The following GREB1 variants were observed in gnomAD, a reference collection of about 807,000 sequenced individuals.
GREB1 encodes the protein growth regulating estrogen receptor binding 1.
In GREB1, 106 loss-of-function variants were observed where a neutral mutation model predicts 200.7. The ratio of observed to expected loss-of-function variants is 0.53; its 90% CI spans 0.45 to 0.62. The LOEUF (loss-of-function observed/expected upper bound fraction) is 0.62. GREB1 is among the 20% of genes least tolerant of loss of function. The pLI is 0.00. For missense variants in GREB1, 2,243 were observed against 2,556.8 expected, an observed-to-expected ratio of 0.88 and a Z score of 2.65; for synonymous variants, 1,132 against 1,092.4, an observed-to-expected ratio of 1.04 and a Z score of -0.72.
intron 1 of GREB1, among the ~76,000 whole-genome samples, chr2:11,503,222 A>G (rs899885124): frequency 4.6e-5 from 7 of 152,272 alleles, no homozygotes; most frequent in East Asian, 1.9e-4. Flanking sequence ...CAGAGGGACA[A>G]TTCTCATGAG....
chr2:11,503,658 T>G (rs1673106050), intron 1 of GREB1, among the ~76,000 whole-genome samples: 1 of 152,246 alleles, frequency 6.6e-6, no homozygotes, highest in South Asian at 2.1e-4. Context: ...CTCACATTTT[T>G]GCCAACACCA....
At chr2:11,632,258 T>C (rs1684933217) in intron 27 of GREB1, 145 bp downstream of exon 27, 1 of 621,714 alleles carries the variant, frequency 1.6e-6, no homozygotes. Flanking sequence ...TCTGACTTTT[T>C]TATGCAGTCT....
In GREB1 at chr2:11,534,237, C is replaced by A. The variant is rs896487699; in HGVS notation, c.-179C>A. The A allele has an allele frequency of 1.3e-5, 2 of 152,288 alleles. No homozygotes were observed. Among genetic ancestry groups the A allele is most frequent in the Admixed American group, 6.6e-5 (1 of 15,264 alleles). The allele number at this position is 152,288 out of a possible 1,614,324, so 9.4% of individuals were successfully genotyped here. On this transcript the variant is annotated 5_prime_UTR_variant, in exon 1 of 33. Transcript: ENST00000381486. ...ATGTGTGGAAGGACATGGCTTTTAA[C>A]ACGTGTGGTGACTGGAGGTAGGTGG...
chr2:11,499,410 A>G (rs755442048), intron 1 of GREB1, among the ~76,000 whole-genome samples: 55 of 152,230 alleles, frequency 3.6e-4, no homozygotes, highest in Non-Finnish European at 7.8e-4. Flanking sequence ...CATCAAAGAC[A>G]TGTCTAAACA....
chr2:11,523,478 A>G (rs999360818), intron 1 of GREB1, among the ~76,000 whole-genome samples: 15 of 152,214 alleles, frequency 9.9e-5, no homozygotes, highest in African/African-American at 3.4e-4. Flanking sequence ...TTGGGATGCC[A>G]TGGTAGATGG....
chr2:11,619,721 C>T (rs1168204799), intron 22 of GREB1, among the ~76,000 whole-genome samples: 3 of 151,980 alleles, frequency 2.0e-5, no homozygotes, highest in Non-Finnish European at 4.4e-5. Flanking sequence ...TTTCTGGTTT[C>T]TCTTATTTGT....
chr2:11,495,796 G>GTT (rs71393887), intron 1 of GREB1, among the ~76,000 whole-genome samples: 1,874 of 136,970 alleles, frequency 0.014, 11 homozygotes, highest in Non-Finnish European at 0.019. Flanking sequence ...AAGTCCCCCC[G>GTT]TTTTTTTTTT....
At chr2:11,596,769 CAGTGAG>C (rs1681289624) in intron 13 of GREB1, among the ~76,000 whole-genome samples, 1 of 61,164 alleles carries the variant, frequency 1.6e-5, no homozygotes, top group African/African-American at 7.1e-5. Flanking sequence ...CAGGTGTACA[CAGTGAG>C]GGGGGTGGGG....
intron 9 of GREB1, 24 bp downstream of exon 9, chr2:11,585,929 CGTG>C: frequency 1.2e-6 from 2 of 1,604,226 alleles, no homozygotes; most frequent in Non-Finnish European, 1.7e-6. Context: ...TGCACCGAGT[CGTG>C]GGGATGGGAG....
rs368967242 is a variant in GREB1, at chr2:11,616,640, C to T, written c.3332C>T (p.Ser1111Leu). The T allele has an allele frequency of 3.4e-5, 55 of 1,606,820 alleles. No individual in the cohort carries two copies. The highest frequency in any genetic ancestry group is 3.3e-4 in the Middle Eastern group (2 of 6,060). ...DEELGTEGST[S>L]EKRSPMKRER... ...GTGTGTTTTGGAACAGGCTCTACCT[C>T]GGAGAAGAGAAGCCCCATGAAAAGG... Residue 1111 changes from serine (S) to leucine (L), a missense_variant, in exon 21 of 33, where the codon TCG (serine) becomes TTG (leucine). Transcript: ENST00000381486.
rs942971193 is a variant in GREB1 at position 11,554,168 on chromosome 2, C to T, written c.-161-2286C>T. ...CTTCTGCTCTCCTGTTAGGTTACTC[C>T]GGCTGCTGACCTCTCTCTTTCAGGA... On this transcript the variant is annotated intron_variant, in intron 1 of 32. Transcript: ENST00000381486. 5.3e-5 allele frequency among the ~76,000 whole-genome samples: 8 copies of T among 152,236 alleles called. No individual in the cohort carries two copies. In the South Asian group the frequency reaches 8.3e-4, roughly 16 times the overall value.
intron 6 of GREB1, among the ~76,000 whole-genome samples, chr2:11,579,876 G>A (rs748731489): frequency 2.0e-5 from 3 of 152,134 alleles, no homozygotes; most frequent in East Asian, 1.9e-4. Context: ...CTGCAAACCC[G>A]ACTGCTCTCC....
chr2:11,608,608 A>G (rs1208429232), intron 17 of GREB1, among the ~76,000 whole-genome samples: 1 of 152,248 alleles, frequency 6.6e-6, no homozygotes, highest in Non-Finnish European at 1.5e-5. Flanking sequence ...GGACCAGAGC[A>G]GTATTTAATG....
chr2:11,557,177 T>A (rs922345610), intron 2 of GREB1, among the ~76,000 whole-genome samples: 1 of 151,568 alleles, frequency 6.6e-6, no homozygotes, highest in Admixed American at 6.5e-5. Context: ...GTATGAGAAC[T>A]CTCAGAAACT....
rs1229034936 is a variant in GREB1 at position 11,595,370 on chromosome 2, C to T, written c.1816C>T (p.Leu606Phe). Residue 606 changes from leucine (L) to phenylalanine (F), a missense_variant, in exon 12 of 33, where the codon CTC becomes TTC. Transcript: ENST00000381486. ...CTCGCTGGGGGCCTTCTTTAGCACC[C>T]TCTGTCCAGGTAGGCTTGTCGTGAG... ...VDSLGAFFST[L>F]CPEGDIDILL... 1.9e-6 allele frequency: 3 copies of T among 1,613,512 alleles called. No individual in the cohort carries two copies. Among genetic ancestry groups the T allele is most frequent in the South Asian group, 1.1e-5 (1 of 91,026 alleles).
intron 26 of GREB1, among the ~76,000 whole-genome samples, chr2:11,631,243 G>T (rs1461346554): frequency 1.3e-5 from 2 of 152,202 alleles, no homozygotes. Context: ...GTTAAAGAAG[G>T]AGTTGAAGAA....
In GREB1 at chr2:11,612,596, G is replaced by A; in HGVS notation, c.3108G>A (p.Gly1036=). Residue 1036 remains glycine (G), a synonymous_variant, in exon 19 of 33, where the codon GGG becomes GGA. Coordinates refer to ENST00000381486, the MANE Select transcript of GREB1 (RefSeq NM_014668.4). Reference sequence around the variant, plus strand: ...TCTTCAGTGGGATGGACCCGCATGGGGAGTCCTTGCCGAGGTGAGTGGAGG... The same window carrying A: ...TCTTCAGTGGGATGGACCCGCATGGAGAGTCCTTGCCGAGGTGAGTGGAGG... ...ILIFSGMDPH[G]ESLPRSLRYC... 6.2e-7 allele frequency: 1 copy of A among 1,609,858 alleles called. No individual in the cohort carries two copies. Among genetic ancestry groups the A allele is most frequent in the Admixed American group, 1.7e-5 (1 of 60,012 alleles).
At chr2:11,485,750 C>T (rs1672642354) in intron 1 of GREB1, among the ~76,000 whole-genome samples, 1 of 152,184 alleles carries the variant, frequency 6.6e-6, no homozygotes, top group Non-Finnish European at 1.5e-5. Context: ...CATTCTAGTA[C>T]TATCATTTTA....
chr2:11,564,939 T>A (rs762094428), intron 3 of GREB1, among the ~76,000 whole-genome samples: 1 of 152,114 alleles, frequency 6.6e-6, no homozygotes, highest in African/African-American at 2.4e-5. Context: ...AACTCCCCTT[T>A]TAAAAACCAT....
Sources: gnomAD v4.1 joint callset for allele counts (sites outside exome capture counted in the v4.1 genomes callset) on GRCh38, gnomAD v4.1.1 for gene constraint, MANE v1.5 for transcripts, NCBI Gene and HGNC (gene_info 2026-07-23, HGNC 2026-07-21) for gene names.